Variants in PCCB observed in about 807,000 individuals in gnomAD.
The protein encoded by PCCB is propionyl-CoA carboxylase subunit beta, also known as propionyl-CoA carboxylase beta chain, mitochondrial.
A neutral mutation model predicts 60.7 loss-of-function variants in PCCB; 43 were observed. That is an observed-to-expected ratio of 0.71 (90% CI 0.55 to 0.91). PCCB has a LOEUF of 0.91. Ranked by LOEUF, PCCB falls within the 40% of genes least tolerant of loss-of-function variation. The pLI, the probability that PCCB is intolerant of heterozygous loss-of-function variation, is 0.00. For missense variants in PCCB, 766 were observed against 702.8 expected (o/e 1.09, Z -1.02); for synonymous variants, 276 against 255.9 (o/e 1.08, Z -0.75).
In PCCB at chr3:136,293,804, A is replaced by G. The variant is rs1021206121; in HGVS notation, c.703A>G (p.Thr235Ala). 11 of 1,613,326 alleles carry G rather than the reference A, an allele frequency of 6.8e-6. No individual in the cohort carries two copies. The African/African-American group carries it at 1.1e-4, about 16-fold the overall frequency. The stretch of plus-strand genomic sequence containing the variant: ...TGGCCCTGATGTTGTGAAGTCTGTC[A>G]CCAATGAGGATGTTACCCAGGAGGA... ...ITGPDVVKSV[T>A]NEDVTQEELG... is the part of the protein sequence containing the mutation. Residue 235 changes from threonine to alanine, a missense_variant, in exon 7 of 15, where the codon ACC (threonine) becomes GCC (alanine). Transcript: ENST00000251654.
Position 136,269,802 on chromosome 3 carries a change from C to T in PCCB, c.543+7737C>T, listed in dbSNP as rs568376364. ...TCGGGAGGCTGAGGCAGGAGAATGC[C>T]GTGAACCCGGGAGGCGGAGCCTGTA... On this transcript the variant is annotated intron_variant, in intron 5 of 14. Coordinates refer to ENST00000251654, the MANE Select transcript of PCCB (RefSeq NM_000532.5). 2.1e-4 allele frequency among the ~76,000 whole-genome samples: 31 copies of T among 150,318 alleles called. No homozygotes were observed. In the South Asian group the frequency reaches 4.4e-3, roughly 21 times the overall value.
chr3:136,256,785 T>G (rs1941681508), intron 3 of PCCB, among the ~76,000 whole-genome samples, 162 bp downstream of exon 3: 1 of 152,200 alleles, frequency 6.6e-6, no homozygotes, highest in Non-Finnish European at 1.5e-5. Context: ...TATTGTGTGT[T>G]TTTTACTTAG....
intron 4 of PCCB, 122 bp downstream of exon 4, chr3:136,260,657 G>T (rs533684943): frequency 3.6e-6 from 3 of 832,836 alleles, no homozygotes; most frequent in African/African-American, 3.4e-5. Context: ...TATGCAAGAT[G>T]TGCTACCAAC....
At chr3:136,308,108 A>C (rs1934513184) in intron 9 of PCCB, among the ~76,000 whole-genome samples, 1 of 152,196 alleles carries the variant, frequency 6.6e-6, no homozygotes, top group Non-Finnish European at 1.5e-5. Context: ...TATAAATGTG[A>C]TTCAGAAAGG....
At chr3:136,272,423 A>T (rs1942226112) in intron 5 of PCCB, among the ~76,000 whole-genome samples, 1 of 152,122 alleles carries the variant, frequency 6.6e-6, no homozygotes, top group African/African-American at 2.4e-5. Flanking sequence ...GAATAGTTTC[A>T]GTAGGATTGG....
chr3:136,264,099 T>G (rs565164623), intron 5 of PCCB, among the ~76,000 whole-genome samples: 18 of 152,268 alleles, frequency 1.2e-4, no homozygotes, highest in Non-Finnish European at 2.2e-4. Context: ...ATTCACCAGT[T>G]GTTTACATTT....
At chr3:136,261,883 G>C (rs1310372131) in intron 4 of PCCB, 69 bp from the exon 5 acceptor site, 6 of 1,050,366 alleles carry the variant, frequency 5.7e-6, no homozygotes, top group African/African-American at 1.6e-5. Context: ...AAACACTGTG[G>C]TATTTTGTGA....
intron 1 of PCCB, among the ~76,000 whole-genome samples, chr3:136,254,716 T>C (rs1413946105): frequency 6.7e-6 from 1 of 149,204 alleles, no homozygotes; most frequent in Non-Finnish European, 1.5e-5. Context: ...TATTTTTCAG[T>C]AGAGACCAGG....
Position 136,305,393 on chromosome 3 carries a change from A to G in PCCB, c.966+4282A>G, listed in dbSNP as rs570682500. 8.9e-4 allele frequency among the ~76,000 whole-genome samples: 109 copies of G among 121,930 alleles called. 36 individuals carry two copies. The highest frequency in any genetic ancestry group is 6.4e-4 in the Non-Finnish European group (35 of 54,668). The allele number at this position is 121,930 out of a possible 152,430, so 80.0% of individuals were successfully genotyped here. A position where few individuals can be genotyped will look rare whatever the true frequency, so the allele number is the denominator to read the frequency against. ...AGGTGTAAGCCACTGCACCTAGACC[A>G]TATATTTACTTTTAACTCAAAAAGT... On this transcript the variant is annotated intron_variant, in intron 9 of 14. Transcript: ENST00000251654.
chr3:136,325,151 A>C (rs1249864200), intron 10 of PCCB, among the ~76,000 whole-genome samples: 2 of 151,922 alleles, frequency 1.3e-5, no homozygotes, highest in Non-Finnish European at 2.9e-5. Flanking sequence ...TGGCCTCCCA[A>C]AATGATGGGA....
intron 10 of PCCB, among the ~76,000 whole-genome samples, chr3:136,319,683 C>G (rs964891160): frequency 6.6e-6 from 1 of 152,174 alleles, no homozygotes; most frequent in South Asian, 2.1e-4. Context: ...CAGGTGTGAA[C>G]CACTGCACCT....
At chr3:136,317,462 C>G (rs1934949484) in intron 10 of PCCB, among the ~76,000 whole-genome samples, 1 of 151,874 alleles carries the variant, frequency 6.6e-6, no homozygotes. Context: ...CTCCTGAGCT[C>G]AAGTGATCCG....
rs995479007 is a variant in PCCB at position 136,260,472 on chromosome 3, T to G, written c.373-7T>G. 4.3e-6 allele frequency: 7 copies of G among 1,610,784 alleles called. No homozygotes were observed. Among genetic ancestry groups the G allele is most frequent in the Non-Finnish European group, 5.9e-6 (7 of 1,177,454 alleles). ...ATTTGACTTGCTGATTTGTATTTTCTTTTTAGGATTTTACAGTTTTTGGAG... is the reference window on the plus strand; with the variant it reads ...ATTTGACTTGCTGATTTGTATTTTCGTTTTAGGATTTTACAGTTTTTGGAG... On this transcript the variant is annotated splice_polypyrimidine_tract_variant and splice_region_variant and intron_variant, in intron 3 of 14. Coordinates refer to ENST00000251654, the MANE Select transcript of PCCB (RefSeq NM_000532.5).
intron 9 of PCCB, among the ~76,000 whole-genome samples, chr3:136,316,277 G>A (rs3913715): frequency 0.16 from 24,711 of 151,446 alleles, 3,265 homozygotes; most frequent in African/African-American, 0.37. Context: ...ATGAAGAATC[G>A]GGGTGAAGGG....
At chr3:136,250,934 C>A (rs906300911) in intron 1 of PCCB, among the ~76,000 whole-genome samples, 3 of 152,154 alleles carry the variant, frequency 2.0e-5, no homozygotes, top group Non-Finnish European at 4.4e-5. Context: ...CAGTAAAAAC[C>A]ATGTGCTTAT....
intron 9 of PCCB, among the ~76,000 whole-genome samples, chr3:136,311,152 T>C (rs1934649795): frequency 6.6e-6 from 1 of 152,128 alleles, no homozygotes; most frequent in African/African-American, 2.4e-5. Flanking sequence ...GATATAGTAT[T>C]GTAGTATTCA....
At chr3:136,298,094 C>A in intron 8 of PCCB, 22 bp downstream of exon 8, 1 of 1,613,922 alleles carries the variant, frequency 6.2e-7, no homozygotes, top group Non-Finnish European at 8.5e-7. Flanking sequence ...GCCGGTGCAC[C>A]TTCTCTCATT....
At chr3:136,324,933 C>T (rs1232571543) in intron 10 of PCCB, among the ~76,000 whole-genome samples, 1 of 152,202 alleles carries the variant, frequency 6.6e-6, no homozygotes, top group South Asian at 2.1e-4. Flanking sequence ...CACTCTGTCA[C>T]CTAGTCTGGA....
At position 136,250,577 on chromosome 3, in the gene PCCB, A is replaced by G. The variant is rs2108128256; in HGVS notation, c.183+19A>G. 6.2e-7 allele frequency: 1 copy of G among 1,600,328 alleles called. No individual in the cohort carries two copies. Among genetic ancestry groups the G allele is most frequent in the Non-Finnish European group, 8.5e-7 (1 of 1,172,250 alleles). On this transcript the variant is annotated intron_variant, in intron 1 of 14. Coordinates refer to ENST00000251654, the MANE Select transcript of PCCB (RefSeq NM_000532.5). ...CAAGCGAGTGAGTCCTGAGGGGCCT[A>G]AGTGAGTCCCGCCCCTGGCGTCCGC...
Sources: gnomAD v4.1 joint callset for allele counts (sites outside exome capture counted in the v4.1 genomes callset) on GRCh38, gnomAD v4.1.1 for gene constraint, MANE v1.5 for transcripts, NCBI Gene and HGNC (gene_info 2026-07-23, HGNC 2026-07-21) for gene names.